The following AGT variants were observed in gnomAD, a reference collection of about 807,000 sequenced individuals.
AGT encodes the protein alpha-1 antiproteinase, antitrypsin.
A neutral mutation model predicts 28.1 loss-of-function variants in AGT; 26 were observed. The ratio of observed to expected loss-of-function variants is 0.92; its 90% CI spans 0.68 to 1.28. AGT has a LOEUF of 1.28. Among genes scored for constraint, AGT ranks in the 50% most tolerant of loss-of-function variants. The pLI is 0.00. For synonymous variants in AGT, 259 were observed against 259.6 expected (o/e 1.00, Z 0.02); for missense variants, 596 against 592.3 (o/e 1.01, Z -0.06).
intron 1 of AGT, among the ~76,000 whole-genome samples, chr1:230,726,119 A>C (rs549760809): frequency 6.6e-6 from 1 of 152,266 alleles, no homozygotes; most frequent in Non-Finnish European, 1.5e-5. Context: ...GCCAGAGCCA[A>C]CTTTGAATGG....
intron 3 of AGT, 105 bp from the exon 4 acceptor site, chr1:230,704,442 A>T (rs749412868): frequency 4.2e-5 from 60 of 1,427,544 alleles, no homozygotes; most frequent in Middle Eastern, 4.7e-4. Flanking sequence ...GACGACAGGG[A>T]TGTTTGCTCC....
At chr1:230,704,955 G>A (rs138446761) in intron 3 of AGT, among the ~76,000 whole-genome samples, 444 of 152,328 alleles carry the variant, frequency 2.9e-3, no homozygotes, top group Non-Finnish European at 5.2e-3. Flanking sequence ...CGTGTCCATC[G>A]ATGGATGAGT....
chr1:230,715,685 C>A (rs1436807363), upstream of AGT, among the ~76,000 whole-genome samples: 1 of 152,198 alleles, frequency 6.6e-6, no homozygotes, highest in Non-Finnish European at 1.5e-5. Context: ...ACAAGTCCAC[C>A]TGGACACAAG....
rs1347191888 is a variant in AGT, at chr1:230,706,324, C to T, written c.830-124G>A. On this transcript the variant is annotated intron_variant, in intron 2 of 4. Transcript: ENST00000366667. The stretch of plus-strand genomic sequence containing the variant: ...CTGCCTCAGCCTCCTTCCTTGGCCC[C>T]CCCCAGGCCACTCTGCATTCTCCTG... 46 of 1,091,918 alleles carry T rather than the reference C, an allele frequency of 4.2e-5. 1 individual carries two copies. The South Asian group carries it at 5.8e-4, about 14-fold the overall frequency. The allele number at this position is 1,091,918 out of a possible 1,614,324, so 67.6% of individuals were successfully genotyped here.
At position 230,705,851 on chromosome 1, in the gene AGT, G is replaced by T. The variant is rs1663368379; in HGVS notation, c.1097+82C>A. 1.9e-6 allele frequency: 3 copies of T among 1,562,180 alleles called. No homozygotes were observed. The African/African-American group carries it at 4.1e-5, about 21-fold the overall frequency. ...GCTCTGCACCCAAGGCTCAGCTCAG[G>T]TGTGTCTACTCCCCACCCCGCCCCC... On this transcript the variant is annotated intron_variant, in intron 3 of 4. Coordinates refer to ENST00000366667, the MANE Select transcript of AGT (RefSeq NM_001384479.1).
chr1:230,736,322 G>A (rs1664155131), intron 1 of AGT, among the ~76,000 whole-genome samples: 1 of 152,112 alleles, frequency 6.6e-6, no homozygotes, highest in African/African-American at 2.4e-5. Flanking sequence ...GGGAGATTGA[G>A]ACCATCCTGG....
chr1:230,738,970 C>T lies in AGT; in HGVS notation c.-31+6545G>A, dbSNP rs142222355. Among the ~76,000 whole-genome samples, 550 of 152,172 alleles carry T rather than the reference C, an allele frequency of 3.6e-3. 2 individuals carry two copies. Among genetic ancestry groups the T allele is most frequent in the African/African-American group, 0.013 (525 of 41,510 alleles). On this transcript the variant is annotated intron_variant, in intron 1 of 4. Coordinates refer to the AGT transcript ENST00000681269. ...TTCTGCTATAGAAAAACTTCACACACCTCCAGCAGCAAAGAATCTTATTTC... is the reference window on the plus strand; with the variant it reads ...TTCTGCTATAGAAAAACTTCACACATCTCCAGCAGCAAAGAATCTTATTTC...
chr1:230,704,456 C>A (rs533591075), intron 3 of AGT, 119 bp from the exon 4 acceptor site: 129 of 1,314,720 alleles, frequency 9.8e-5, no homozygotes, highest in Non-Finnish European at 1.2e-4. Context: ...TTGCTCCCCC[C>A]ATCACCCAAC....
intron 1 of AGT, among the ~76,000 whole-genome samples, chr1:230,729,485 CTT>C (rs1664012031): frequency 6.6e-6 from 1 of 152,180 alleles, no homozygotes; most frequent in African/African-American, 2.4e-5. Context: ...TCAGAGAGGA[CTT>C]TTGTCAGCTT....
At chr1:230,714,700 G>C (rs1663694638), upstream of AGT, among the ~76,000 whole-genome samples, 1 of 152,210 alleles carries the variant, frequency 6.6e-6, no homozygotes, top group Non-Finnish European at 1.5e-5. Context: ...TTCCAGTGTA[G>C]CTGGGGAGAC....
At chr1:230,740,684 C>T (rs1174094720) in intron 1 of AGT, among the ~76,000 whole-genome samples, 1 of 152,182 alleles carries the variant, frequency 6.6e-6, no homozygotes, top group Non-Finnish European at 1.5e-5. Flanking sequence ...GATGCGGTGG[C>T]TCACGCCTGT....
intron 3 of AGT, 119 bp from the exon 4 acceptor site, chr1:230,704,456 C>G: frequency 2.3e-6 from 3 of 1,314,840 alleles, no homozygotes; most frequent in South Asian, 1.3e-5. Context: ...TTGCTCCCCC[C>G]ATCACCCAAC....
In AGT at chr1:230,725,605, G is replaced by T. The variant is rs1222586330; in HGVS notation, c.-30-14752C>A. On this transcript the variant is annotated intron_variant, in intron 1 of 4. Transcript: ENST00000681269. Reference sequence around the variant, plus strand: ...CTTTTCCCACCGAAGCCCCATAGTTGCAATGATATAAATATTGCTCTTGTG... The same window carrying T: ...CTTTTCCCACCGAAGCCCCATAGTTTCAATGATATAAATATTGCTCTTGTG... 2.0e-5 allele frequency among the ~76,000 whole-genome samples: 3 copies of T among 152,168 alleles called. No individual in the cohort carries two copies. The East Asian group carries it at 5.8e-4, about 29-fold the overall frequency.
At chr1:230,716,046 A>G (rs887187810), upstream of AGT, among the ~76,000 whole-genome samples, 2 of 152,254 alleles carry the variant, frequency 1.3e-5, no homozygotes, top group African/African-American at 2.4e-5. Flanking sequence ...TGGGGAGAAC[A>G]TAAGAAAATA....
chr1:230,710,999 G>T (rs1220930239), intron 1 of AGT, 146 bp from the exon 2 acceptor site: 2 of 1,137,664 alleles, frequency 1.8e-6, no homozygotes, highest in Non-Finnish European at 2.5e-6. Context: ...AAGAAGAAAT[G>T]GATTCAAAGC....
At chr1:230,723,145 C>T (rs988447601) in intron 1 of AGT, among the ~76,000 whole-genome samples, 3 of 152,136 alleles carry the variant, frequency 2.0e-5, no homozygotes, top group Non-Finnish European at 4.4e-5. Flanking sequence ...TTGACAGTTC[C>T]TCCTTCACAC....
chr1:230,709,220 G>T (rs1482615656), intron 2 of AGT, among the ~76,000 whole-genome samples: 1 of 152,186 alleles, frequency 6.6e-6, no homozygotes, highest in Non-Finnish European at 1.5e-5. Context: ...GAGATGCCAG[G>T]CTTAAAGTCT....
Position 230,703,405 on chromosome 1 carries a change from G to A in AGT, c.1243-76C>T, listed in dbSNP as rs61751075. 290 of 1,495,160 alleles carry A rather than the reference G, an allele frequency of 1.9e-4. No homozygotes were observed. In the African/African-American group the frequency reaches 3.4e-3, roughly 18 times the overall value. The allele number at this position is 1,495,160 out of a possible 1,614,324, so 92.6% of individuals were successfully genotyped here. On this transcript the variant is annotated intron_variant, in intron 4 of 4. Transcript: ENST00000366667. ...AGGGTGCTGAGGGCTAGAGGGCCGG[G>A]GTGGGCTCAGGACCTCTGTGCTGTG...
intron 4 of AGT, among the ~76,000 whole-genome samples, chr1:230,703,766 A>G (rs1460842633): frequency 6.6e-6 from 1 of 152,232 alleles, no homozygotes; most frequent in African/African-American, 2.4e-5. Flanking sequence ...ATCAAGGCAC[A>G]TCCTTGGTAG....
Sources: allele counts gnomAD v4.1 joint callset (sites outside exome capture counted in the v4.1 genomes callset), GRCh38; gene constraint gnomAD v4.1.1; transcripts MANE v1.5; gene names NCBI Gene and HGNC (gene_info 2026-07-23, HGNC 2026-07-21).